The following BCL11A variants were observed in gnomAD, a reference collection of about 807,000 sequenced individuals.
The protein encoded by BCL11A is B cell CLL/lymphoma 11A.
BCL11A carries 2 observed loss-of-function variants against 55.9 expected under a neutral mutation model. The observed-to-expected ratio is 0.04, with a 90% confidence interval of 0.01 to 0.11. The LOEUF (loss-of-function observed/expected upper bound fraction) is 0.11. Among genes scored for constraint, BCL11A ranks in the 10% least tolerant of loss-of-function variants. BCL11A has a pLI of 1.00. For synonymous variants in BCL11A, 465 were observed against 473.4 expected (o/e 0.98, Z 0.23); for missense variants, 817 against 1,137.1 (o/e 0.72, Z 4.05).
At chr2:60,541,920 T>C (rs771897246) in intron 2 of BCL11A, 19 of 709,494 alleles carry the variant, frequency 2.7e-5, no homozygotes, top group Non-Finnish European at 3.7e-5. Context: ...TCCAGTTCAG[T>C]CTGAGCTAGG....
At chr2:60,504,101 C>A (rs1415670502) in intron 2 of BCL11A, among the ~76,000 whole-genome samples, 2 of 152,128 alleles carry the variant, frequency 1.3e-5, no homozygotes, top group Non-Finnish European at 2.9e-5. Flanking sequence ...GACACTGCCC[C>A]CATGACATAG....
At chr2:60,542,464 C>T (rs1231826964) in intron 2 of BCL11A, 1 of 152,202 alleles carries the variant, frequency 6.6e-6, no homozygotes, top group Non-Finnish European at 1.5e-5. Context: ...AAAGCTCTGA[C>T]TGCAAGTCAA....
chr2:60,509,268 T>C (rs1679837885), intron 2 of BCL11A, among the ~76,000 whole-genome samples: 2 of 152,194 alleles, frequency 1.3e-5, no homozygotes, highest in African/African-American at 4.8e-5. Flanking sequence ...CTCTGCACTC[T>C]CCTTTCAAGG....
intron 2 of BCL11A, among the ~76,000 whole-genome samples, chr2:60,493,811 G>A (rs1678789260): frequency 5.3e-5 from 8 of 152,166 alleles, no homozygotes; most frequent in Admixed American, 5.2e-4. Flanking sequence ...GGACAGCAAA[G>A]CTTCAGTGCA....
intron 2 of BCL11A, among the ~76,000 whole-genome samples, chr2:60,485,438 T>C (rs1678222311): frequency 1.3e-5 from 2 of 152,240 alleles, no homozygotes; most frequent in African/African-American, 4.8e-5. Context: ...GTCCCAGGAA[T>C]GTCCTCCATG....
chr2:60,483,453 C>T lies in BCL11A; in HGVS notation c.386-14620G>A, dbSNP rs985310026. On this transcript the variant is annotated intron_variant, in intron 2 of 3. Coordinates refer to ENST00000642384, the MANE Select transcript of BCL11A (RefSeq NM_022893.4). ...AAGTCCCAGATGATCTCAGGCAAGTCCCCAGGTATAGCTGCAGTCCCTTTA... is the reference window on the plus strand; with the variant it reads ...AAGTCCCAGATGATCTCAGGCAAGTTCCCAGGTATAGCTGCAGTCCCTTTA... 4.5e-4 allele frequency among the ~76,000 whole-genome samples: 68 copies of T among 152,206 alleles called. 1 individual carries two copies. Among genetic ancestry groups the T allele is most frequent in the Non-Finnish European group, 8.8e-5 (6 of 68,034 alleles).
At chr2:60,451,098 C>G (rs534260653), downstream of BCL11A, 8 of 180,274 alleles carry the variant, frequency 4.4e-5, no homozygotes, top group African/African-American at 1.9e-4. Flanking sequence ...GTCGTGAGAT[C>G]TGTCCCAGAG....
chr2:60,469,535 C>T (rs987827396), intron 2 of BCL11A, among the ~76,000 whole-genome samples: 2 of 152,162 alleles, frequency 1.3e-5, no homozygotes, highest in African/African-American at 2.4e-5. Context: ...ATAACTTTGA[C>T]CATTAAATGA....
chr2:60,553,314 G>A lies in BCL11A; in HGVS notation c.-44C>T. ...CGGCGGCGGCGGCGGCGGCGGCGGCGGGCGGACGACGGCTCGGTTCACATC... is the reference window on the plus strand; with the variant it reads ...CGGCGGCGGCGGCGGCGGCGGCGGCAGGCGGACGACGGCTCGGTTCACATC... On this transcript the variant is annotated 5_prime_UTR_variant, in exon 1 of 4. Coordinates refer to ENST00000642384, the MANE Select transcript of BCL11A (RefSeq NM_022893.4). 2 of 1,512,482 alleles carry A rather than the reference G, an allele frequency of 1.3e-6. No individual in the cohort carries two copies. Among genetic ancestry groups the A allele is most frequent in the Non-Finnish European group, 1.8e-6 (2 of 1,133,600 alleles). The allele number at this position is 1,512,482 out of a possible 1,614,324, so 93.7% of individuals were successfully genotyped here. A position where few individuals can be genotyped will look rare whatever the true frequency, so the allele number is the denominator to read the frequency against.
chr2:60,501,840 T>C (rs1300677531), intron 2 of BCL11A, among the ~76,000 whole-genome samples: 4 of 152,162 alleles, frequency 2.6e-5, no homozygotes, highest in Non-Finnish European at 5.9e-5. Flanking sequence ...AGTGTGCTCA[T>C]CTCACATAAA....
chr2:60,531,602 A>G (rs1251203495), intron 2 of BCL11A, among the ~76,000 whole-genome samples: 2 of 152,212 alleles, frequency 1.3e-5, no homozygotes, highest in African/African-American at 2.4e-5. Flanking sequence ...AAGTCCAGCC[A>G]ATGAAACTTG....
Position 60,458,920 on chromosome 2 carries a change from A to T in BCL11A, c.*1484T>A. 4 of 1,034,212 alleles carry T rather than the reference A, an allele frequency of 3.9e-6. No individual in the cohort carries two copies. The highest frequency in any genetic ancestry group is 4.7e-6 in the Non-Finnish European group (4 of 859,004). 64.1% of individuals were successfully genotyped at this position (1,034,212 alleles called of 1,614,324 possible). ...CCTCTTCCATGTTAACACAAATAGCACACAGTGTATGGAAAAGAAATGAAG... is the reference window on the plus strand; with the variant it reads ...CCTCTTCCATGTTAACACAAATAGCTCACAGTGTATGGAAAAGAAATGAAG... On this transcript the variant is annotated 3_prime_UTR_variant, in exon 4 of 4. Transcript: ENST00000642384.
Position 60,461,712 on chromosome 2 carries a change from C to G in BCL11A, c.1200G>C (p.Thr400=). ...SNLVVHRRSH[T]GEKPYKCNLC... ...GGTTGCACTTGTAGGGCTTCTCGCC[C>G]GTGTGGCTGCGCCGGTGCACCACCA... The change falls in exon 4 of 4, where the codon ACG becomes ACC. Residue 400 remains threonine, a synonymous_variant. Transcript: ENST00000642384. 6.2e-7 allele frequency: 1 copy of G among 1,613,578 alleles called. No individual in the cohort carries two copies. The highest frequency in any genetic ancestry group is 8.5e-7 in the Non-Finnish European group (1 of 1,179,914).
At chr2:60,469,161 A>G (rs1677058013) in intron 2 of BCL11A, among the ~76,000 whole-genome samples, 1 of 152,160 alleles carries the variant, frequency 6.6e-6, no homozygotes, top group Non-Finnish European at 1.5e-5. Flanking sequence ...CAGCAAGGGG[A>G]AAACTGGTAA....
At chr2:60,499,289 C>T (rs1349754611) in intron 2 of BCL11A, among the ~76,000 whole-genome samples, 2 of 152,150 alleles carry the variant, frequency 1.3e-5, no homozygotes, top group Non-Finnish European at 2.9e-5. Context: ...GGGTGTGACG[C>T]CCCTGCCCAG....
chr2:60,521,780 G>A (rs1372370639), intron 2 of BCL11A, among the ~76,000 whole-genome samples: 1 of 152,146 alleles, frequency 6.6e-6, no homozygotes, highest in Non-Finnish European at 1.5e-5. Context: ...CCAGCCACGT[G>A]AGCACGTCCC....
intron 2 of BCL11A, among the ~76,000 whole-genome samples, chr2:60,532,382 G>T (rs1028587967): frequency 1.3e-5 from 2 of 150,714 alleles, no homozygotes; most frequent in African/African-American, 4.9e-5. Flanking sequence ...TTTTAAAAAG[G>T]TTTTGTTTTG....
intron 2 of BCL11A, among the ~76,000 whole-genome samples, chr2:60,512,713 G>T (rs1204435364): frequency 1.3e-5 from 2 of 152,122 alleles, no homozygotes; most frequent in Non-Finnish European, 2.9e-5. Context: ...AATTATCAAG[G>T]CATCCCTACG....
At position 60,462,061 on chromosome 2, in the gene BCL11A, G is replaced by T. The variant is rs1676340606; in HGVS notation, c.851C>A (p.Ala284Glu). Residue 284 changes from alanine (A) to glutamate (E), a missense_variant, in exon 4 of 4, where the codon GCG (alanine) becomes GAG (glutamate). Ala to Glu is a moderately radical substitution (Grantham distance 107). Transcript: ENST00000642384. ...LDPHRIERLG[A>E]EEMALATHHP... ...ATGGGTGGCCAGGGCCATCTCTTCCGCCCCCAGGCGCTCTATGCGGTGGGG... is the reference window on the plus strand; with the variant it reads ...ATGGGTGGCCAGGGCCATCTCTTCCTCCCCCAGGCGCTCTATGCGGTGGGG... The T allele has an allele frequency of 1.3e-6, 2 of 1,593,942 alleles. No individual in the cohort carries two copies. The highest frequency in any genetic ancestry group is 1.3e-5 in the African/African-American group (1 of 74,536).
Sources: gnomAD v4.1 joint callset for allele counts (sites outside exome capture counted in the v4.1 genomes callset) on GRCh38, gnomAD v4.1.1 for gene constraint, MANE v1.5 for transcripts, NCBI Gene and HGNC (gene_info 2026-07-23, HGNC 2026-07-21) for gene names.